The following RFX3 variants were observed in gnomAD, a reference collection of about 807,000 sequenced individuals.
The protein encoded by RFX3 is transcription factor RFX3.
In RFX3, 14 loss-of-function variants were observed where a neutral mutation model predicts 98.6. The ratio of observed to expected loss-of-function variants is 0.14; its 90% CI spans 0.09 to 0.22. The LOEUF (loss-of-function observed/expected upper bound fraction) is 0.22. Ranked by LOEUF, RFX3 falls within the 10% of genes least tolerant of loss-of-function variation. The pLI, the probability that RFX3 is intolerant of heterozygous loss-of-function variation, is 1.00. For missense variants in RFX3, 639 were observed against 926.9 expected, an observed-to-expected ratio of 0.69 and a Z score of 4.03; for synonymous variants, 383 against 328.4, an observed-to-expected ratio of 1.17 and a Z score of -1.80.
chr9:3,377,800 A>G (rs1838715987), intron 2 of RFX3, among the ~76,000 whole-genome samples: 1 of 152,172 alleles, frequency 6.6e-6, no homozygotes, highest in South Asian at 2.1e-4. Context: ...TTATACAGGT[A>G]TATATGTTTG....
chr9:3,458,733 C>T (rs548088206), intron 1 of RFX3, among the ~76,000 whole-genome samples: 17 of 152,260 alleles, frequency 1.1e-4, no homozygotes, highest in Admixed American at 5.9e-4. Flanking sequence ...AACATGTGTT[C>T]ATTACCCTTT....
chr9:3,515,084 T>G (rs1224645016), intron 1 of RFX3, among the ~76,000 whole-genome samples: 1 of 152,170 alleles, frequency 6.6e-6, no homozygotes, highest in Non-Finnish European at 1.5e-5. Flanking sequence ...GGGGAAAACC[T>G]AAATTCTAAT....
intron 2 of RFX3, among the ~76,000 whole-genome samples, chr9:3,376,539 G>C (rs946991240): frequency 6.6e-6 from 1 of 152,134 alleles, no homozygotes; most frequent in African/African-American, 2.4e-5. Context: ...ATGAGTGCAA[G>C]AAGCCAGCTT....
At chr9:3,259,080 AC>A (rs1341064510) in intron 13 of RFX3, among the ~76,000 whole-genome samples, 2 of 152,150 alleles carry the variant, frequency 1.3e-5, no homozygotes, top group East Asian at 3.9e-4. Context: ...ACTATTATTT[AC>A]ATAACCAATC....
chr9:3,226,727 A>G (rs1028419112), intron 16 of RFX3, among the ~76,000 whole-genome samples: 1 of 152,192 alleles, frequency 6.6e-6, no homozygotes, highest in Non-Finnish European at 1.5e-5. Context: ...GTAGACATTT[A>G]CTTCATCAAG....
intron 1 of RFX3, among the ~76,000 whole-genome samples, chr9:3,498,195 CAAT>C (rs1851248013): frequency 6.6e-6 from 1 of 151,988 alleles, no homozygotes; most frequent in South Asian, 2.1e-4. Flanking sequence ...ACTTACAGCA[CAAT>C]GTTACACTCT....
At chr9:3,418,718 C>T (rs891727775) in intron 1 of RFX3, among the ~76,000 whole-genome samples, 1 of 152,070 alleles carries the variant, frequency 6.6e-6, no homozygotes, top group African/African-American at 2.4e-5. Flanking sequence ...CTAATTTAAA[C>T]GTTTTAAATT....
intron 1 of RFX3, among the ~76,000 whole-genome samples, chr9:3,483,194 C>T (rs1023309004): frequency 1.3e-5 from 2 of 152,012 alleles, no homozygotes; most frequent in African/African-American, 4.8e-5. Flanking sequence ...ACTACCCGAC[C>T]CCCAAACAGA....
At chr9:3,272,627 A>G (rs1277397063) in intron 9 of RFX3, among the ~76,000 whole-genome samples, 1 of 152,220 alleles carries the variant, frequency 6.6e-6, no homozygotes, top group Non-Finnish European at 1.5e-5. Flanking sequence ...AATTTTTGTA[A>G]CTGCTTTCTC....
chr9:3,394,324 G>A (rs369465395), intron 2 of RFX3, among the ~76,000 whole-genome samples: 8 of 152,152 alleles, frequency 5.3e-5, no homozygotes, highest in East Asian at 1.9e-4. Context: ...TTAGCCAGGC[G>A]TGGTGGCAGG....
At chr9:3,509,086 C>T (rs1294109645) in intron 1 of RFX3, among the ~76,000 whole-genome samples, 2 of 151,748 alleles carry the variant, frequency 1.3e-5, no homozygotes, top group South Asian at 2.1e-4. Flanking sequence ...CATAACCTTC[C>T]AAAAACTCAG....
intron 7 of RFX3, among the ~76,000 whole-genome samples, chr9:3,283,171 A>T (rs1488145502): frequency 6.6e-6 from 1 of 151,758 alleles, no homozygotes. Context: ...CCACTAGCCT[A>T]GAGGTATAGA....
chr9:3,390,246 G>A (rs1321233045), intron 2 of RFX3, among the ~76,000 whole-genome samples: 1 of 152,030 alleles, frequency 6.6e-6, no homozygotes, highest in Non-Finnish European at 1.5e-5. Flanking sequence ...ACAGTAAATT[G>A]GTACCAGTAA....
intron 1 of RFX3, among the ~76,000 whole-genome samples, chr9:3,472,904 C>T (rs557685977): frequency 6.6e-6 from 1 of 152,098 alleles, no homozygotes; most frequent in East Asian, 1.9e-4. Context: ...TATTATGATC[C>T]AACTACTGCA....
rs142614062 is a variant in RFX3, at chr9:3,395,589, G to C, written c.-1C>G. ...CCGACCCAGTCTCTGATGTCTGCAT[G>C]ATGGTCTCTGAAATAGATTAAAATG... On this transcript the variant is annotated 5_prime_UTR_variant, in exon 2 of 17. It adds an upstream start codon to the 5' untranslated region. Coordinates refer to ENST00000617270, the MANE Select transcript of RFX3 (RefSeq NM_001282116.2). The C allele has an allele frequency of 3.7e-6, 6 of 1,613,966 alleles. No individual in the cohort carries two copies. The highest frequency in any genetic ancestry group is 5.1e-6 in the Non-Finnish European group (6 of 1,179,892).
In RFX3 at chr9:3,251,277, G is replaced by C. The variant is rs1370274920; in HGVS notation, c.1815-3092C>G. 2.6e-5 allele frequency among the ~76,000 whole-genome samples: 4 copies of C among 152,176 alleles called. No individual in the cohort carries two copies. The East Asian group carries it at 7.7e-4, about 29-fold the overall frequency. On this transcript the variant is annotated intron_variant, in intron 14 of 16. Coordinates refer to ENST00000617270, the MANE Select transcript of RFX3 (RefSeq NM_001282116.2). ...ATCCCAATTTTATTTAACCCAAAAAGAAACATTTAACCAGTGGTAATTTCC... is the reference window on the plus strand; with the variant it reads ...ATCCCAATTTTATTTAACCCAAAAACAAACATTTAACCAGTGGTAATTTCC...
intron 1 of RFX3, among the ~76,000 whole-genome samples, chr9:3,524,884 A>G (rs1390435167): frequency 6.8e-6 from 1 of 147,550 alleles, no homozygotes; most frequent in African/African-American, 2.5e-5. Flanking sequence ...CACACCAAAG[A>G]AGAGAGAGGA....
chr9:3,517,034 C>A (rs1438874278), intron 1 of RFX3, among the ~76,000 whole-genome samples: 1 of 152,220 alleles, frequency 6.6e-6, no homozygotes, highest in Non-Finnish European at 1.5e-5. Flanking sequence ...TGTGGGTTTT[C>A]TTTCTTTCTT....
chr9:3,389,660 G>A (rs13283163), intron 2 of RFX3, among the ~76,000 whole-genome samples: 5,807 of 151,880 alleles, frequency 0.038, 152 homozygotes, highest in East Asian at 0.08. Context: ...TTCCACACCC[G>A]ACCTCAAGTA....
Sources: allele counts gnomAD v4.1 joint callset (sites outside exome capture counted in the v4.1 genomes callset), GRCh38; gene constraint gnomAD v4.1.1; transcripts MANE v1.5; gene names NCBI Gene and HGNC (gene_info 2026-07-23, HGNC 2026-07-21).